Variants in RFX7 observed in about 807,000 individuals in gnomAD.
The protein encoded by RFX7 is regulatory factor X7.
In RFX7, 26 loss-of-function variants were observed where a neutral mutation model predicts 111.8. The ratio of observed to expected loss-of-function variants is 0.23; its 90% CI spans 0.17 to 0.32. RFX7 has a LOEUF of 0.32. RFX7 is among the 10% of genes least tolerant of loss of function. RFX7 has a pLI of 1.00. For synonymous variants in RFX7, 624 were observed against 624.4 expected (o/e 1.00, Z 0.01); for missense variants, 1,573 against 1,772.9 (o/e 0.89, Z 2.02).
intron 5 of RFX7, among the ~76,000 whole-genome samples, chr15:56,121,087 T>C (rs1161123335): frequency 6.6e-6 from 1 of 152,252 alleles, no homozygotes; most frequent in East Asian, 1.9e-4. Flanking sequence ...CCACTGAGTT[T>C]TGTACCTTCA....
intron 3 of RFX7, among the ~76,000 whole-genome samples, chr15:56,166,494 TC>T (rs77852007): frequency 0.13 from 19,721 of 152,214 alleles, 1,654 homozygotes; most frequent in East Asian, 0.44. Flanking sequence ...GTTCTCAACA[TC>T]CTGTTACTTA....
At chr15:56,186,198 T>A (rs1180910785) in intron 2 of RFX7, among the ~76,000 whole-genome samples, 1 of 152,176 alleles carries the variant, frequency 6.6e-6, no homozygotes, top group Non-Finnish European at 1.5e-5. Flanking sequence ...GGGTTCCCTG[T>A]TTTAGTCCTA....
At chr15:56,215,595 A>G (rs2043355892) in intron 2 of RFX7, among the ~76,000 whole-genome samples, 2 of 152,150 alleles carry the variant, frequency 1.3e-5, no homozygotes, top group South Asian at 2.1e-4. Context: ...TCAATTTGCT[A>G]ATTTTTGTTT....
intron 5 of RFX7, among the ~76,000 whole-genome samples, chr15:56,110,449 A>C (rs1274046670): frequency 9.8e-6 from 1 of 102,288 alleles, no homozygotes; most frequent in Non-Finnish European, 2.0e-5. Context: ...CAGCCGCCCC[A>C]TCCGGGAGGC....
rs1279514927 is a variant in RFX7, at chr15:56,243,197, A to G, written c.89T>C (p.Leu30Pro). 1.5e-6 allele frequency: 2 copies of G among 1,343,460 alleles called. No individual in the cohort carries two copies. Among genetic ancestry groups the G allele is most frequent in the Non-Finnish European group, 2.0e-6 (2 of 1,011,764 alleles). The allele number at this position is 1,343,460 out of a possible 1,614,324, so 83.2% of individuals were successfully genotyped here. Residue 30 changes from leucine (L) to proline (P), a missense_variant, in exon 2 of 10, where the codon CTG becomes CCG. Physicochemically the swap from Leu to Pro is moderately conservative, Grantham distance 98. Around this residue, in one of 7 missense-constraint regions of RFX7, gnomAD observed 191 missense variants for 194.2 expected, o/e 0.98. Coordinates refer to ENST00000559447, the MANE Select transcript of RFX7 (RefSeq NM_022841.7). ...PPSAPNSGVA[L>P]PALVPGLPGT... ...TGGCAGCCCGGGCACAAGGGCTGGC[A>G]GGGCCACCCCCGAGTTGGGGGCGCT...
At chr15:56,172,018 A>G (rs1218349106) in intron 3 of RFX7, among the ~76,000 whole-genome samples, 1 of 152,196 alleles carries the variant, frequency 6.6e-6, no homozygotes, top group African/African-American at 2.4e-5. Context: ...AAAATGTAAC[A>G]GGAAAACCAG....
Position 56,096,257 on chromosome 15 carries a change from G to T in RFX7, c.1471C>A (p.His491Asn), listed in dbSNP as rs780485376. 1.2e-6 allele frequency: 2 copies of T among 1,613,872 alleles called. No homozygotes were observed. Among genetic ancestry groups the T allele is most frequent in the African/African-American group, 2.7e-5 (2 of 74,930 alleles). Reference protein sequence around the residue: ...TPSNSNTPLKHSASVSSATGT... With the variant: ...TPSNSNTPLKNSASVSSATGT... The stretch of plus-strand genomic sequence containing the variant: ...GTAGCACTGCTGACTGAGGCAGAAT[G>T]TTTAAGAGGGGTGTTACTGTTGCTG... Residue 491 changes from histidine to asparagine, a missense_variant, in exon 10 of 10, where the codon CAT becomes AAT. Transcript: ENST00000559447.
At chr15:56,225,120 A>T (rs1230106052) in intron 2 of RFX7, among the ~76,000 whole-genome samples, 1 of 152,194 alleles carries the variant, frequency 6.6e-6, no homozygotes, top group Admixed American at 6.5e-5. Context: ...TACATTTGGA[A>T]CTCAAGGGAT....
intron 2 of RFX7, among the ~76,000 whole-genome samples, chr15:56,236,538 G>A (rs566998455): frequency 3.9e-5 from 6 of 152,260 alleles, no homozygotes; most frequent in East Asian, 1.9e-4. Context: ...CAGAGATGTA[G>A]AATAACCATC....
chr15:56,136,435 A>G (rs1288765244), intron 5 of RFX7, among the ~76,000 whole-genome samples: 10 of 144,352 alleles, frequency 6.9e-5, no homozygotes, highest in African/African-American at 2.6e-4. Flanking sequence ...GCTGGTGTAT[A>G]AGAATGCTTG....
chr15:56,213,495 TGGG>T (rs1165736073), intron 2 of RFX7, among the ~76,000 whole-genome samples: 1 of 152,050 alleles, frequency 6.6e-6, no homozygotes, highest in African/African-American at 2.4e-5. Flanking sequence ...GCTTTAGAAA[TGGG>T]GGAACAGATT....
At chr15:56,202,871 G>A (rs2043207149) in intron 2 of RFX7, among the ~76,000 whole-genome samples, 1 of 152,128 alleles carries the variant, frequency 6.6e-6, no homozygotes, top group African/African-American at 2.4e-5. Flanking sequence ...AGACAAAAGA[G>A]GTCATCTGTT....
upstream of RFX7, chr15:56,244,205 A>G (rs2043779502): frequency 6.6e-6 from 1 of 152,226 alleles, no homozygotes; most frequent in Non-Finnish European, 1.5e-5. Context: ...AGAGAAATCA[A>G]CATTATCCCC....
intron 5 of RFX7, among the ~76,000 whole-genome samples, chr15:56,134,681 C>T (rs1194073648): frequency 7.0e-6 from 1 of 143,374 alleles, no homozygotes; most frequent in Non-Finnish European, 1.5e-5. Context: ...AGGTTACTTA[C>T]ATATGTATAC....
intron 5 of RFX7, 26 bp downstream of exon 5, chr15:56,142,752 C>T (rs906066058): frequency 3.1e-6 from 5 of 1,598,742 alleles, no homozygotes; most frequent in Non-Finnish European, 4.3e-6. Context: ...AATATATCAG[C>T]ATGCCATATT....
rs748004933 is a variant in RFX7, at chr15:56,094,857, A to G, written c.2871T>C (p.Thr957=). 5.3e-5 allele frequency: 83 copies of G among 1,552,734 alleles called. No homozygotes were observed. Among genetic ancestry groups the G allele is most frequent in the South Asian group, 8.5e-5 (7 of 81,950 alleles). The change falls in exon 10 of 10, where the codon ACT becomes ACC. Residue 957 remains threonine (T), a synonymous_variant. Transcript: ENST00000559447. ...ATGTCGGGGTTGGGGTTGGGGTTGG[A>G]GTAGGAGTGGGTGTGGGTGTGGGTG... is the stretch of plus-strand genomic sequence containing the variant. ...TPTPTPTPTP[T]PTPTPTPTSE...
Position 56,095,642 on chromosome 15 carries a change from CCTT to C in RFX7, c.2083_2085del (p.Lys695del), listed in dbSNP as rs771577381. 10 of 1,613,982 alleles carry C rather than the reference CCTT, an allele frequency of 6.2e-6. No individual in the cohort carries two copies. In the African/African-American group the frequency reaches 1.2e-4, roughly 19 times the overall value. On this transcript the variant is annotated inframe_deletion, in exon 10 of 10. Coordinates refer to ENST00000559447, the MANE Select transcript of RFX7 (RefSeq NM_022841.7). ...TTCCCTGAATGTGGAACCTTTTGGTCCTTCTTAACACTGCCTTGTTTCTGCCCT... is the reference window on the plus strand; with the variant it reads ...TTCCCTGAATGTGGAACCTTTTGGTCCTTAACACTGCCTTGTTTCTGCCCT...
At chr15:56,155,114 A>T (rs2042634420) in intron 3 of RFX7, among the ~76,000 whole-genome samples, 1 of 152,226 alleles carries the variant, frequency 6.6e-6, no homozygotes, top group African/African-American at 2.4e-5. Flanking sequence ...ATCATTAAAA[A>T]GTCAGGAAAC....
At chr15:56,242,572 A>T (rs1031566125) in intron 2 of RFX7, among the ~76,000 whole-genome samples, 1 of 152,228 alleles carries the variant, frequency 6.6e-6, no homozygotes, top group African/African-American at 2.4e-5. Context: ...TTCACAATCA[A>T]TGCAAAGAAT....
Sources: gnomAD v4.1 joint callset for allele counts (sites outside exome capture counted in the v4.1 genomes callset) on GRCh38, gnomAD v4.1.1 for gene constraint, gnomAD v4.1.1 regional missense constraint, MANE v1.5 for transcripts, NCBI Gene and HGNC (gene_info 2026-07-23, HGNC 2026-07-21) for gene names.